The following PIBF1 variants were observed in gnomAD, a reference collection of about 807,000 sequenced individuals.
PIBF1 encodes progesterone-induced-blocking factor 1.
In PIBF1, 90 loss-of-function variants were observed where a neutral mutation model predicts 112.5. The observed-to-expected ratio is 0.80, with a 90% CI of 0.67 to 0.95. The LOEUF (loss-of-function observed/expected upper bound fraction) is 0.95. PIBF1 is among the 40% of genes least tolerant of loss of function. The pLI is 0.00. For missense variants in PIBF1, 915 were observed against 852.3 expected, an observed-to-expected ratio of 1.07 and a Z score of -0.92; for synonymous variants, 301 against 288.6, an observed-to-expected ratio of 1.04 and a Z score of -0.44.
chr13:72,871,376 G>A lies in PIBF1; in HGVS notation c.1322+17221G>A, dbSNP rs1482927703. Among the ~76,000 whole-genome samples the A allele has an allele frequency of 2.0e-5, 3 of 152,108 alleles. No individual in the cohort carries two copies. In the East Asian group the frequency reaches 5.8e-4, roughly 29 times the overall value. On this transcript the variant is annotated intron_variant, in intron 10 of 17. Coordinates refer to ENST00000326291, the MANE Select transcript of PIBF1 (RefSeq NM_006346.4). ...GCTGGAGTGCAATGGCGCAATCTTG[G>A]CTCACTGCAACCTCCACCTCCCGGG...
intron 10 of PIBF1, among the ~76,000 whole-genome samples, chr13:72,854,601 A>G (rs1272919513): frequency 6.6e-6 from 1 of 152,182 alleles, no homozygotes; most frequent in African/African-American, 2.4e-5. Flanking sequence ...GAGTATGAAT[A>G]TATTTTATTC....
chr13:72,970,628 A>G (rs1027106590), intron 15 of PIBF1: 4 of 152,212 alleles, frequency 2.6e-5, no homozygotes, highest in Non-Finnish European at 5.9e-5. Flanking sequence ...GTAATATACC[A>G]TTCAAGATAG....
chr13:72,931,373 C>A, intron 14 of PIBF1, 106 bp downstream of exon 14: 1 of 771,238 alleles, frequency 1.3e-6, no homozygotes, highest in Non-Finnish European at 2.2e-6. Flanking sequence ...TTTGCTAGTA[C>A]AAAATGATTT....
intron 13 of PIBF1, among the ~76,000 whole-genome samples, chr13:72,928,010 T>TATATATACACAC (rs1566458434): frequency 8.9e-4 from 52 of 58,326 alleles, no homozygotes; most frequent in African/African-American, 4.4e-3. Flanking sequence ...TATATACATA[T>TATATATACACAC]ATATACATAT....
At chr13:72,937,370 A>G (rs563751924) in intron 14 of PIBF1, among the ~76,000 whole-genome samples, 2 of 152,180 alleles carry the variant, frequency 1.3e-5, no homozygotes, top group Non-Finnish European at 2.9e-5. Flanking sequence ...ACTTATCACC[A>G]TGTAGCTCCA....
intron 11 of PIBF1, among the ~76,000 whole-genome samples, chr13:72,906,634 A>C (rs2138645964): frequency 6.6e-6 from 1 of 152,288 alleles, no homozygotes; most frequent in African/African-American, 2.4e-5. Flanking sequence ...GATAGCCCAC[A>C]TCAGTAGTTT....
intron 7 of PIBF1, among the ~76,000 whole-genome samples, chr13:72,827,529 G>A (rs1174299355): frequency 6.6e-6 from 1 of 152,082 alleles, no homozygotes; most frequent in Non-Finnish European, 1.5e-5. Flanking sequence ...GATTACAGGT[G>A]TGAGCAACCA....
chr13:72,807,895 C>T (rs2035816628), intron 5 of PIBF1, among the ~76,000 whole-genome samples: 1 of 152,102 alleles, frequency 6.6e-6, no homozygotes, highest in African/African-American at 2.4e-5. Context: ...AAATTTCTGC[C>T]ATTAACATTT....
chr13:72,830,300 T>G (rs1376898501), intron 8 of PIBF1, among the ~76,000 whole-genome samples: 8 of 152,172 alleles, frequency 5.3e-5, no homozygotes, highest in Non-Finnish European at 1.2e-4. Flanking sequence ...TGGCCAGAAC[T>G]TCCAATACCA....
intron 9 of PIBF1, among the ~76,000 whole-genome samples, chr13:72,848,061 T>C (rs1660907670): frequency 6.6e-6 from 1 of 152,220 alleles, no homozygotes; most frequent in African/African-American, 2.4e-5. Flanking sequence ...AGGGAAGAGT[T>C]TGGATTGCTT....
chr13:72,855,696 A>G (rs1005669346), intron 10 of PIBF1, among the ~76,000 whole-genome samples: 35 of 152,158 alleles, frequency 2.3e-4, no homozygotes, highest in African/African-American at 8.0e-4. Context: ...ATCATGGTGT[A>G]AAAGATCATG....
At chr13:72,911,669 A>G (rs1031742933) in intron 12 of PIBF1, among the ~76,000 whole-genome samples, 1 of 152,188 alleles carries the variant, frequency 6.6e-6, no homozygotes, top group East Asian at 1.9e-4. Flanking sequence ...CCATTAAGAA[A>G]TGAATAGCCA....
intron 10 of PIBF1, among the ~76,000 whole-genome samples, chr13:72,854,934 G>T (rs537051882): frequency 4.0e-4 from 61 of 151,416 alleles, no homozygotes; most frequent in African/African-American, 1.5e-3. Flanking sequence ...TAATAGCCTT[G>T]TTAAAAGGAA....
At position 72,965,255 on chromosome 13, in the gene PIBF1, G is replaced by A. The variant is rs775581693; in HGVS notation, c.1834-19G>A. On this transcript the variant is annotated intron_variant, in intron 14 of 17. Transcript: ENST00000326291. ...GTTGTCACATTTTCTAGATTTTAAT[G>A]AAACCTGTGTTTCTTTAGCTTGACA... 10 of 1,601,612 alleles carry A rather than the reference G, an allele frequency of 6.2e-6. No homozygotes were observed. The highest frequency in any genetic ancestry group is 1.7e-5 in the Admixed American group (1 of 58,096).
chr13:72,993,348 A>G (rs1422288610), intron 16 of PIBF1, among the ~76,000 whole-genome samples: 4 of 150,918 alleles, frequency 2.7e-5, no homozygotes, highest in Non-Finnish European at 4.4e-5. Context: ...AAAAATAAAA[A>G]TAAATTGTGA....
At position 72,797,979 on chromosome 13, in the gene PIBF1, G is replaced by T; in HGVS notation, c.625G>T (p.Ala209Ser). The T allele has an allele frequency of 1.2e-6, 2 of 1,609,608 alleles. No individual in the cohort carries two copies. The highest frequency in any genetic ancestry group is 1.7e-6 in the Non-Finnish European group (2 of 1,178,036). The change falls in exon 5 of 18, where the codon GCA becomes TCA. Residue 209 changes from alanine to serine, a missense_variant. By Grantham distance (99) the Ala-to-Ser change is moderately conservative. Transcript: ENST00000326291. ...CELQVKKNIL[A>S]EELSTNKNQL... ...ACTACAAGTGAAAAAGAATATCCTA[G>T]CAGAAGAATTAAGTACAAACAAAAA...
Position 72,815,999 on chromosome 13 carries a change from T to C in PIBF1, c.673-5850T>C, listed in dbSNP as rs150735122. ...GTTCAATCATATTTGGGTCAATGCC[T>C]GTTGAGAAGCCAGTATTTCAAATTT... On this transcript the variant is annotated intron_variant, in intron 5 of 17. Coordinates refer to ENST00000326291, the MANE Select transcript of PIBF1 (RefSeq NM_006346.4). Among the ~76,000 whole-genome samples the C allele has an allele frequency of 6.6e-5, 10 of 152,356 alleles. No homozygotes were observed. The East Asian group carries it at 1.9e-3, about 29-fold the overall frequency.
rs71099760 is a variant in PIBF1 at position 72,858,023 on chromosome 13, T to TTGCTTTTTGTGTGTGTGTGTG, written c.1322+3870_1322+3871insCTTTTTGTGTGTGTGTGTGTG. The stretch of plus-strand genomic sequence containing the variant: ...TACCTATCAGAAGTACAAATGTACA[T>TTGCTTTTTGTGTGTGTGTGTG]TGTGTGTGTGTGTGTGTGTGTGTGT... On this transcript the variant is annotated intron_variant, in intron 10 of 17. Transcript: ENST00000326291. Among the ~76,000 whole-genome samples the TTGCTTTTTGTGTGTGTGTGTG allele has an allele frequency of 6.4e-3, 904 of 141,282 alleles. 8 individuals carry two copies. The highest frequency in any genetic ancestry group is 0.011 in the Middle Eastern group (3 of 280). The allele number at this position is 141,282 out of a possible 152,430, so 92.7% of individuals were successfully genotyped here.
At chr13:72,878,381 C>A (rs1222672972) in intron 10 of PIBF1, among the ~76,000 whole-genome samples, 1 of 152,026 alleles carries the variant, frequency 6.6e-6, no homozygotes, top group Non-Finnish European at 1.5e-5. Flanking sequence ...CTTGCATTTT[C>A]TTCTTTGATG....
Sources: gnomAD v4.1 joint callset for allele counts (sites outside exome capture counted in the v4.1 genomes callset) on GRCh38, gnomAD v4.1.1 for gene constraint, MANE v1.5 for transcripts, NCBI Gene and HGNC (gene_info 2026-07-23, HGNC 2026-07-21) for gene names.